Variants in VSNL1 observed in about 807,000 individuals in gnomAD.
VSNL1 encodes visinin-like protein 1.
Under a neutral mutation model 20.4 loss-of-function variants are expected in VSNL1, and 6 were observed. That is an observed-to-expected ratio of 0.29 (90% CI 0.16 to 0.58). VSNL1 has a LOEUF of 0.58. Ranked by LOEUF, VSNL1 falls within the 20% of genes least tolerant of loss-of-function variation. The pLI is 0.90. For missense variants in VSNL1, 100 were observed against 234.5 expected (o/e 0.43, Z 3.75); for synonymous variants, 93 against 86.4 (o/e 1.08, Z -0.42).
intron 2 of VSNL1, among the ~76,000 whole-genome samples, chr2:17,632,457 C>T (rs1177469096): frequency 6.6e-6 from 1 of 152,014 alleles, no homozygotes; most frequent in African/African-American, 2.4e-5. Flanking sequence ...TGCATCACCA[C>T]ACCCAGCTAA....
At chr2:17,557,297 A>G (rs944600440) in intron 1 of VSNL1, among the ~76,000 whole-genome samples, 2 of 152,168 alleles carry the variant, frequency 1.3e-5, no homozygotes, top group Non-Finnish European at 2.9e-5. Context: ...TAGCTTTTGT[A>G]TGAGGTACTA....
chr2:17,648,237 T>C (rs148743773), intron 2 of VSNL1, among the ~76,000 whole-genome samples: 71 of 152,318 alleles, frequency 4.7e-4, no homozygotes, highest in African/African-American at 1.6e-3. Flanking sequence ...GCATATCTTA[T>C]GTCTGGAGGG....
At chr2:17,579,880 T>C (rs1326310197) in intron 1 of VSNL1, among the ~76,000 whole-genome samples, 2 of 152,160 alleles carry the variant, frequency 1.3e-5, no homozygotes, top group Non-Finnish European at 2.9e-5. Context: ...CTTTAGTTCT[T>C]AGGCTCATTC....
chr2:17,647,915 G>T (rs113880957), intron 2 of VSNL1, among the ~76,000 whole-genome samples: 5 of 152,204 alleles, frequency 3.3e-5, no homozygotes, highest in African/African-American at 1.2e-4. Context: ...AAAAATGAAG[G>T]ATAAGAGAAG....
rs773438120 is a variant in VSNL1, at chr2:17,592,127, A to G, written c.53A>G (p.Lys18Arg). 6.2e-7 allele frequency: 1 copy of G among 1,613,918 alleles called. No homozygotes were observed. Among genetic ancestry groups the G allele is most frequent in the Non-Finnish European group, 8.5e-7 (1 of 1,179,836 alleles). Reference protein sequence around the residue: ...LAPEVMEDLVKSTEFNEHELK... With the variant: ...LAPEVMEDLVRSTEFNEHELK... ...CCTGAAGTGATGGAGGACCTGGTGA[A>G]GAGCACAGAGTTTAATGAGCATGAA... The change falls in exon 2 of 4, where the codon AAG becomes AGG. Residue 18 changes from lysine to arginine, a missense_variant. Physicochemically the swap from Lys to Arg is conservative, Grantham distance 26. Coordinates refer to ENST00000295156, the MANE Select transcript of VSNL1 (RefSeq NM_003385.5).
chr2:17,627,313 T>A (rs545763829), intron 2 of VSNL1, among the ~76,000 whole-genome samples: 1 of 152,226 alleles, frequency 6.6e-6, no homozygotes, highest in African/African-American at 2.4e-5. Context: ...CAAAGATAGA[T>A]AAAAGATGAC....
At chr2:17,638,385 T>C (rs1558308587) in intron 2 of VSNL1, among the ~76,000 whole-genome samples, 1 of 152,148 alleles carries the variant, frequency 6.6e-6, no homozygotes, top group Admixed American at 6.5e-5. Context: ...TTTTTTCAAG[T>C]GTAATGTTGA....
At chr2:17,574,813 C>A (rs1664166858) in intron 1 of VSNL1, among the ~76,000 whole-genome samples, 1 of 152,168 alleles carries the variant, frequency 6.6e-6, no homozygotes, top group South Asian at 2.1e-4. Context: ...GTCCCCCAGC[C>A]TGGAGTGTAG....
At chr2:17,549,028 A>T (rs1519561) in intron 1 of VSNL1, among the ~76,000 whole-genome samples, 3 of 152,154 alleles carry the variant, frequency 2.0e-5, no homozygotes, top group African/African-American at 7.2e-5. Context: ...ACAGTGCTTA[A>T]TTATCTTCTG....
At chr2:17,551,712 C>T (rs1243978078) in intron 1 of VSNL1, among the ~76,000 whole-genome samples, 5 of 152,044 alleles carry the variant, frequency 3.3e-5, no homozygotes, top group Non-Finnish European at 7.4e-5. Context: ...TGACATTCTT[C>T]CAAAGAGGTG....
chr2:17,563,910 T>C (rs72785719), intron 1 of VSNL1, among the ~76,000 whole-genome samples: 1,534 of 152,288 alleles, frequency 0.01, 17 homozygotes, highest in Non-Finnish European at 0.016. Flanking sequence ...TTGTTTTACA[T>C]AGTGGTGACA....
At chr2:17,582,576 T>C (rs1664373646) in intron 1 of VSNL1, among the ~76,000 whole-genome samples, 4 of 152,088 alleles carry the variant, frequency 2.6e-5, no homozygotes. Flanking sequence ...CTTAACTTGT[T>C]GATAGGTTTA....
chr2:17,605,469 C>T (rs1460997119), intron 2 of VSNL1, among the ~76,000 whole-genome samples: 1 of 152,236 alleles, frequency 6.6e-6, no homozygotes, highest in African/African-American at 2.4e-5. Flanking sequence ...CTCCCAGCGA[C>T]TCGGCGGGTA....
chr2:17,555,343 G>T (rs1663651177), intron 1 of VSNL1, among the ~76,000 whole-genome samples: 1 of 152,058 alleles, frequency 6.6e-6, no homozygotes, highest in African/African-American at 2.4e-5. Context: ...CATTATTTTT[G>T]TCACTTTGTT....
At chr2:17,565,812 C>A (rs1435456643) in intron 1 of VSNL1, among the ~76,000 whole-genome samples, 1 of 152,192 alleles carries the variant, frequency 6.6e-6, no homozygotes, top group East Asian at 1.9e-4. Flanking sequence ...ATAATTCCCA[C>A]GTCATGGGAG....
chr2:17,610,912 T>G (rs1179744257), intron 2 of VSNL1, among the ~76,000 whole-genome samples: 1 of 152,132 alleles, frequency 6.6e-6, no homozygotes, highest in Non-Finnish European at 1.5e-5. Flanking sequence ...AATCTTTGCT[T>G]GATAGATCAA....
At chr2:17,607,859 A>G (rs1012368548) in intron 2 of VSNL1, among the ~76,000 whole-genome samples, 4 of 152,250 alleles carry the variant, frequency 2.6e-5, no homozygotes, top group Admixed American at 1.3e-4. Flanking sequence ...ATAATGAGCT[A>G]CAGAGATTCT....
At chr2:17,622,187 A>C (rs1057209416) in intron 2 of VSNL1, among the ~76,000 whole-genome samples, 1 of 150,896 alleles carries the variant, frequency 6.6e-6, no homozygotes, top group African/African-American at 2.5e-5. Flanking sequence ...CTGAACATGA[A>C]CATAAAAATC....
rs567653128 is a variant in VSNL1 at position 17,609,412 on chromosome 2, T to G, written c.162+17176T>G. Among the ~76,000 whole-genome samples the G allele has an allele frequency of 5.3e-5, 8 of 152,268 alleles. No individual in the cohort carries two copies. In the South Asian group the frequency reaches 1.5e-3, roughly 28 times the overall value. ...GTAGCCTTCATTTTGGTTGGCCACA[T>G]GTTCAGTTAAAAGTCAGTTACTATG... On this transcript the variant is annotated intron_variant, in intron 2 of 3. Transcript: ENST00000295156.
Sources: gnomAD v4.1 joint callset for allele counts (sites outside exome capture counted in the v4.1 genomes callset) on GRCh38, gnomAD v4.1.1 for gene constraint, MANE v1.5 for transcripts, NCBI Gene and HGNC (gene_info 2026-07-23, HGNC 2026-07-21) for gene names.